Variants in DIAPH2 observed in about 807,000 individuals in gnomAD.
DIAPH2 encodes the protein protein diaphanous homolog 2.
DIAPH2 carries 35 observed loss-of-function variants against 92.7 expected under a neutral mutation model. The ratio of observed to expected loss-of-function variants is 0.38; its 90% CI spans 0.29 to 0.50. The LOEUF (loss-of-function observed/expected upper bound fraction) is 0.50, where lower values mean the gene tolerates loss of function less well. DIAPH2 is among the 20% of genes least tolerant of loss of function. The pLI, the probability that DIAPH2 is intolerant of heterozygous loss-of-function variation, is 0.94. For synonymous variants in DIAPH2, 301 were observed against 280.4 expected (o/e 1.07, Z -0.73); for missense variants, 701 against 819.5 (o/e 0.86, Z 1.77).
At chrX:97,132,234 A>T (rs186711541) in intron 21 of DIAPH2, among the ~76,000 whole-genome samples, 6 of 111,557 alleles carry the variant, frequency 5.4e-5, no homozygotes, top group Non-Finnish European at 1.1e-4. Flanking sequence ...ATATCATTAT[A>T]ATACCAAACT....
intron 11 of DIAPH2, among the ~76,000 whole-genome samples, chrX:96,937,750 A>G (rs1466576673): frequency 8.9e-6 from 1 of 112,234 alleles, no homozygotes; most frequent in African/African-American, 3.2e-5. Flanking sequence ...ATAAAAAGCA[A>G]TTCAAATAAA....
At chrX:97,568,590 G>T (rs940000660) in intron 26 of DIAPH2, among the ~76,000 whole-genome samples, 1 of 111,486 alleles carries the variant, frequency 9.0e-6, no homozygotes, top group Non-Finnish European at 1.9e-5. Context: ...ATATTTTAAG[G>T]TGGGGGCAAA....
chrX:96,972,577 C>T (rs2065934415), intron 17 of DIAPH2, among the ~76,000 whole-genome samples: 1 of 110,936 alleles, frequency 9.0e-6, no homozygotes, highest in African/African-American at 3.3e-5. Context: ...CACCAGGGAA[C>T]TCACAATCTA....
intron 7 of DIAPH2, among the ~76,000 whole-genome samples, chrX:96,912,770 C>A (rs1263965274): frequency 9.1e-6 from 1 of 110,466 alleles, no homozygotes; most frequent in African/African-American, 3.3e-5. Context: ...CATCATCTTC[C>A]CCACCCCGTA....
chrX:96,962,494 CACATATAT>C (rs1390187743), intron 16 of DIAPH2, among the ~76,000 whole-genome samples: 4 of 18,411 alleles, frequency 2.2e-4, no homozygotes, highest in African/African-American at 6.3e-4. Flanking sequence ...CACACACACA[CACATATAT>C]ATATATATAT....
chrX:97,047,609 A>G (rs2066493778), intron 17 of DIAPH2, among the ~76,000 whole-genome samples: 1 of 89,462 alleles, frequency 1.1e-5, no homozygotes, highest in Non-Finnish European at 2.1e-5. Flanking sequence ...ATTTACTTGA[A>G]ACATTTCAGT....
At chrX:96,986,224 C>G (rs1473879567) in intron 17 of DIAPH2, among the ~76,000 whole-genome samples, 2 of 110,934 alleles carry the variant, frequency 1.8e-5, no homozygotes, top group Non-Finnish European at 3.8e-5. Context: ...GCTTTCTTTT[C>G]TAATTTTTTG....
intron 5 of DIAPH2, among the ~76,000 whole-genome samples, chrX:96,911,995 CAA>C (rs1042790438): frequency 2.2e-4 from 25 of 111,569 alleles, no homozygotes; most frequent in Admixed American, 4.8e-4. Context: ...AATAAAGTAT[CAA>C]AGAGTGGAAG....
intron 23 of DIAPH2, among the ~76,000 whole-genome samples, chrX:97,335,004 A>C (rs1006856749): frequency 4.8e-5 from 5 of 103,112 alleles, no homozygotes; most frequent in Non-Finnish European, 7.9e-5. Flanking sequence ...AAAACAAAAA[A>C]AAAAAAAAAA....
intron 4 of DIAPH2, among the ~76,000 whole-genome samples, chrX:96,839,057 A>G (rs1230385183): frequency 1.8e-5 from 2 of 111,738 alleles, no homozygotes; most frequent in African/African-American, 3.2e-5. Context: ...TCCACAATAC[A>G]TCTATATCAT....
intron 14 of DIAPH2, among the ~76,000 whole-genome samples, chrX:96,946,200 A>C (rs974585610): frequency 8.9e-6 from 1 of 111,870 alleles, no homozygotes; most frequent in Non-Finnish European, 1.9e-5. Context: ...AGCTTTGTGA[A>C]TATCCGAATT....
chrX:96,706,034 A>G (rs778246695), intron 1 of DIAPH2, among the ~76,000 whole-genome samples: 3 of 112,579 alleles, frequency 2.7e-5, no homozygotes, highest in African/African-American at 9.7e-5. Flanking sequence ...GGTTTTTAAA[A>G]TTTGATTTGT....
chrX:97,438,268 C>G (rs2070210018), intron 26 of DIAPH2, among the ~76,000 whole-genome samples: 1 of 106,242 alleles, frequency 9.4e-6, no homozygotes, highest in Non-Finnish European at 1.9e-5. Context: ...GGTTTTTCAA[C>G]TAGCAGATTA....
At chrX:97,535,867 C>T (rs1475785632) in intron 26 of DIAPH2, among the ~76,000 whole-genome samples, 1 of 112,196 alleles carries the variant, frequency 8.9e-6, no homozygotes, top group Non-Finnish European at 1.9e-5. Context: ...GTTTCAAGTA[C>T]TATATGTTAT....
chrX:96,854,429 A>T (rs745689870), intron 4 of DIAPH2, among the ~76,000 whole-genome samples: 2 of 105,591 alleles, frequency 1.9e-5, no homozygotes, highest in African/African-American at 3.4e-5. Context: ...ATTCTTAACC[A>T]AGTGGCAGGC....
chrX:96,945,906 G>T (rs973900869), intron 14 of DIAPH2, among the ~76,000 whole-genome samples: 4 of 111,721 alleles, frequency 3.6e-5, no homozygotes, highest in African/African-American at 1.3e-4. Flanking sequence ...TTCTCCCTTT[G>T]CTTTCTTGCA....
chrX:97,355,772 C>G (rs1278058126), intron 24 of DIAPH2, among the ~76,000 whole-genome samples: 1 of 111,475 alleles, frequency 9.0e-6, no homozygotes, highest in Non-Finnish European at 1.9e-5. Flanking sequence ...GACTCAAGCT[C>G]TTTACAAAGT....
At chrX:96,723,594 T>C (rs895364442) in intron 1 of DIAPH2, among the ~76,000 whole-genome samples, 1 of 112,208 alleles carries the variant, frequency 8.9e-6, no homozygotes, top group African/African-American at 3.2e-5. Flanking sequence ...TATAGGATTT[T>C]AATAAGGTTT....
In DIAPH2 at chrX:97,185,437, G is replaced by GTA. The variant is rs1168007064; in HGVS notation, c.2719+43653_2719+43654dup. On this transcript the variant is annotated intron_variant, in intron 22 of 26. Coordinates refer to ENST00000324765, the MANE Select transcript of DIAPH2 (RefSeq NM_006729.5). ...TATATATATATGTATATATATATGT[G>GTA]TATATATATATGTGTGTGTATATAT... Among the ~76,000 whole-genome samples, 126 of 40,517 alleles carry GTA rather than the reference G, an allele frequency of 3.1e-3. 11 individuals carry two copies. Among genetic ancestry groups the GTA allele is most frequent in the African/African-American group, 0.02 (98 of 4,930 alleles). 35.2% of individuals were successfully genotyped at this position (40,517 alleles called of 115,157 possible).
Sources: gnomAD v4.1 joint callset for allele counts (sites outside exome capture counted in the v4.1 genomes callset) on GRCh38, gnomAD v4.1.1 for gene constraint, MANE v1.5 for transcripts, NCBI Gene and HGNC (gene_info 2026-07-23, HGNC 2026-07-21) for gene names.